The following WASHC4 variants were observed in gnomAD, a reference collection of about 807,000 sequenced individuals.
The protein encoded by WASHC4 is WASH complex subunit 4, also known as WASH complex subunit 7.
Under a neutral mutation model 166.6 loss-of-function variants are expected in WASHC4, and 86 were observed. The ratio of observed to expected loss-of-function variants is 0.52; its 90% CI spans 0.43 to 0.62. The LOEUF is 0.62. WASHC4 is among the 20% of genes least tolerant of loss of function. The pLI is 0.00. For synonymous variants in WASHC4, 446 were observed against 451.6 expected (o/e 0.99, Z 0.16); for missense variants, 1,262 against 1,382.4 (o/e 0.91, Z 1.38).
At chr12:105,129,548 G>A (rs1214451941) in intron 13 of WASHC4, among the ~76,000 whole-genome samples, 3 of 152,204 alleles carry the variant, frequency 2.0e-5, no homozygotes, top group Non-Finnish European at 4.4e-5. Flanking sequence ...CATAGCTGGT[G>A]TTTGGTGGTG....
intron 14 of WASHC4, among the ~76,000 whole-genome samples, chr12:105,134,684 T>C (rs1469940620): frequency 6.6e-6 from 1 of 152,110 alleles, no homozygotes; most frequent in Non-Finnish European, 1.5e-5. Flanking sequence ...ATTATCTTTT[T>C]TGATCCTTTC....
intron 12 of WASHC4, 22 bp downstream of exon 12, chr12:105,126,384 T>C (rs775104630): frequency 6.6e-7 from 1 of 1,524,128 alleles, no homozygotes; most frequent in Non-Finnish European, 9.0e-7. Context: ...AAACTTATTT[T>C]TCAATTTGAG....
At chr12:105,143,996 T>C (rs138327473) in intron 20 of WASHC4, among the ~76,000 whole-genome samples, 2 of 151,980 alleles carry the variant, frequency 1.3e-5, no homozygotes, top group African/African-American at 4.8e-5. Context: ...CTTTTTTCTT[T>C]TCTCTCTTGC....
At chr12:105,146,954 T>C in intron 23 of WASHC4, 88 bp from the exon 24 acceptor site, 1 of 774,034 alleles carries the variant, frequency 1.3e-6, no homozygotes, top group Admixed American at 1.8e-5. Context: ...TTTAATGAAA[T>C]AGATTCTAAA....
At chr12:105,158,694 ATTAG>A (rs1407746552) in intron 28 of WASHC4, among the ~76,000 whole-genome samples, 1 of 152,210 alleles carries the variant, frequency 6.6e-6, no homozygotes, top group Non-Finnish European at 1.5e-5. Flanking sequence ...TGGATTGTAT[ATTAG>A]TTAATACTGT....
chr12:105,142,725 T>C (rs773117736), intron 19 of WASHC4, among the ~76,000 whole-genome samples, 167 bp downstream of exon 19: 3 of 152,116 alleles, frequency 2.0e-5, no homozygotes, highest in African/African-American at 4.8e-5. Context: ...TTTATGTTAC[T>C]GTTAACGAAG....
chr12:105,163,307 A>G lies in WASHC4; in HGVS notation c.3157+462A>G, dbSNP rs77563191. ...TGTTTACCGTGTTTTTAGCTGGAAT[A>G]CATGATTGACGATACTTGTTTTCTG... On this transcript the variant is annotated intron_variant, in intron 30 of 32. Coordinates refer to ENST00000332180, the MANE Select transcript of WASHC4 (RefSeq NM_015275.3). 7.9e-3 allele frequency among the ~76,000 whole-genome samples: 1,209 copies of G among 152,270 alleles called. 21 individuals are homozygous for G. The highest frequency in any genetic ancestry group is 0.027 in the African/African-American group (1,117 of 41,550).
rs757780879 is a variant in WASHC4 at position 105,147,028 on chromosome 12, T to C, written c.2410-14T>C. 1 of 1,475,020 alleles carries C rather than the reference T, an allele frequency of 6.8e-7. No individual in the cohort carries two copies. Among genetic ancestry groups the C allele is most frequent in the East Asian group, 2.3e-5 (1 of 44,178 alleles). 91.4% of individuals were successfully genotyped at this position (1,475,020 alleles called of 1,614,324 possible). On this transcript the variant is annotated splice_polypyrimidine_tract_variant and intron_variant, in intron 23 of 32. Transcript: ENST00000332180. ...GGTTGCGTTGTTACTGAGCATAAAT[T>C]TGTTTCATTGCAGATTTTTATTGAA...
intron 32 of WASHC4, 106 bp from the exon 33 acceptor site, chr12:105,166,758 A>C: frequency 1.3e-6 from 1 of 765,230 alleles, no homozygotes; most frequent in East Asian, 2.7e-5. Context: ...ATGCAACTGT[A>C]ATTTGAAGTT....
intron 30 of WASHC4, 117 bp downstream of exon 30, chr12:105,162,962 CTTTTTTATTTTTTT>C (rs1884595930): frequency 3.2e-6 from 2 of 630,840 alleles, no homozygotes; most frequent in Non-Finnish European, 5.4e-6. Flanking sequence ...TTTCTTTTTT[CTTTTTTATTTTTTT>C]GAGACAGAGT....
At chr12:105,142,665 CTG>C (rs1247064502) in intron 19 of WASHC4, 107 bp downstream of exon 19, 31 of 695,168 alleles carry the variant, frequency 4.5e-5, no homozygotes, top group Non-Finnish European at 6.8e-5. Flanking sequence ...TTAAAATTGA[CTG>C]TTTTGTAAAC....
chr12:105,147,616 G>A (rs566376754), intron 24 of WASHC4: 3 of 1,001,328 alleles, frequency 3.0e-6, no homozygotes, highest in South Asian at 4.1e-5. Context: ...TTAGAAATGG[G>A]CATTCACCGC....
At chr12:105,156,060 G>A (rs1884142001) in intron 26 of WASHC4, among the ~76,000 whole-genome samples, 1 of 152,082 alleles carries the variant, frequency 6.6e-6, no homozygotes, top group African/African-American at 2.4e-5. Flanking sequence ...GGTGGATTCT[G>A]GCTACGTTTT....
intron 13 of WASHC4, among the ~76,000 whole-genome samples, chr12:105,131,082 ATTTT>A (rs910009603): frequency 2.7e-5 from 4 of 148,644 alleles, no homozygotes; most frequent in Non-Finnish European, 6.0e-5. Flanking sequence ...TTATTTATTT[ATTTT>A]TTTTTTTTTT....
intron 13 of WASHC4, among the ~76,000 whole-genome samples, chr12:105,130,809 C>G (rs1195229083): frequency 6.6e-6 from 1 of 152,222 alleles, no homozygotes; most frequent in Non-Finnish European, 1.5e-5. Context: ...TTTTGATTCA[C>G]AACCACTTTA....
intron 12 of WASHC4, 62 bp downstream of exon 12, chr12:105,126,424 A>G: frequency 8.1e-7 from 1 of 1,235,814 alleles, no homozygotes; most frequent in Non-Finnish European, 1.2e-6. Flanking sequence ...ATAAAACTAA[A>G]TATTTTAAAA....
chr12:105,122,165 A>G lies in WASHC4; in HGVS notation c.713A>G (p.Glu238Gly), dbSNP rs1441311849. Reference sequence around the variant, plus strand: ...AATCCTTCAAAATTTGGAATTCAGGAAGAAAAATTAAAGCCATTTGAAAAG... The same window carrying G: ...AATCCTTCAAAATTTGGAATTCAGGGAGAAAAATTAAAGCCATTTGAAAAG... The part of the protein sequence containing the change: ...HHNPSKFGIQ[E>G]EKLKPFEKFL... The change falls in exon 10 of 33, where the codon GAA becomes GGA. Residue 238 changes from glutamate (E) to glycine (G), a missense_variant. Transcript: ENST00000332180. 1 of 1,610,696 alleles carries G rather than the reference A, an allele frequency of 6.2e-7. No individual in the cohort carries two copies. The highest frequency in any genetic ancestry group is 8.5e-7 in the Non-Finnish European group (1 of 1,177,436).
At chr12:105,111,314 ATATCC>A in intron 2 of WASHC4, 50 bp downstream of exon 2, 1 of 1,163,898 alleles carries the variant, frequency 8.6e-7, no homozygotes, top group Non-Finnish European at 1.2e-6. Context: ...TGGACATACT[ATATCC>A]TGAAAACATA....
chr12:105,144,604 T>G (rs965395823), intron 21 of WASHC4, 114 bp from the exon 22 acceptor site: 2 of 1,163,860 alleles, frequency 1.7e-6, no homozygotes, highest in Non-Finnish European at 2.5e-6. Context: ...TATTAATACC[T>G]TATTTTAAAG....
Sources: gnomAD v4.1 joint callset for allele counts (sites outside exome capture counted in the v4.1 genomes callset) on GRCh38, gnomAD v4.1.1 for gene constraint, MANE v1.5 for transcripts, NCBI Gene and HGNC (gene_info 2026-07-23, HGNC 2026-07-21) for gene names.